Variants in NBEA observed in about 807,000 individuals in gnomAD.
The protein encoded by NBEA is lysosomal-trafficking regulator 2.
A neutral mutation model predicts 343.4 loss-of-function variants in NBEA; 44 were observed. The observed-to-expected ratio is 0.13, with a 90% CI of 0.10 to 0.16. NBEA has a LOEUF of 0.16. NBEA is among the 10% of genes least tolerant of loss of function. The pLI, the probability that NBEA is intolerant of heterozygous loss-of-function variation, is 1.00. For missense variants in NBEA, 2,555 were observed against 3,631.3 expected (o/e 0.70, Z 7.62); for synonymous variants, 1,175 against 1,238.7 (o/e 0.95, Z 1.08).
chr13:35,168,848 C>T, intron 24 of NBEA, 139 bp from the exon 25 acceptor site: 1 of 517,314 alleles, frequency 1.9e-6, no homozygotes, highest in Middle Eastern at 6.0e-4. Context: ...GAGAATTTTG[C>T]TTTTAATAAA....
chr13:35,168,908 T>C, intron 24 of NBEA, 79 bp from the exon 25 acceptor site: 10 of 998,852 alleles, frequency 1.0e-5, no homozygotes, highest in Non-Finnish European at 1.4e-5. Context: ...CAATTTTACA[T>C]TGTATTTTCA....
chr13:35,233,027 C>T (rs1310381976), intron 34 of NBEA, among the ~76,000 whole-genome samples: 1 of 151,974 alleles, frequency 6.6e-6, no homozygotes, highest in Non-Finnish European at 1.5e-5. Flanking sequence ...GAATCCTTAA[C>T]TAAGAAGACA....
intron 36 of NBEA, among the ~76,000 whole-genome samples, chr13:35,345,414 GTTTA>G (rs935107128): frequency 2.9e-4 from 44 of 151,858 alleles, no homozygotes; most frequent in Middle Eastern, 3.2e-3. Context: ...CAGCAGAGTG[GTTTA>G]TTTATTTATT....
chr13:35,003,668 A>C (rs1180109638), intron 1 of NBEA, among the ~76,000 whole-genome samples: 1 of 152,172 alleles, frequency 6.6e-6, no homozygotes, highest in East Asian at 1.9e-4. Context: ...GTTCCCATGT[A>C]GTTTGGGAAC....
At chr13:35,585,202 A>G (rs1473505482) in intron 46 of NBEA, among the ~76,000 whole-genome samples, 2 of 141,056 alleles carry the variant, frequency 1.4e-5, no homozygotes, top group South Asian at 2.3e-4. Context: ...CTGCACAGTC[A>G]GATTCCTGAA....
chr13:35,661,182 CAG>C (rs2085073910), intron 55 of NBEA, among the ~76,000 whole-genome samples: 1 of 152,144 alleles, frequency 6.6e-6, no homozygotes, highest in Non-Finnish European at 1.5e-5. Flanking sequence ...GTGTTCTGAT[CAG>C]AGAGCTTCAG....
intron 53 of NBEA, among the ~76,000 whole-genome samples, chr13:35,652,527 G>A (rs1478917714): frequency 6.7e-6 from 1 of 149,454 alleles, no homozygotes; most frequent in Non-Finnish European, 1.5e-5. Context: ...TGTAGTCCCA[G>A]CTACTCGGGA....
rs1307180939 is a variant in NBEA, at chr13:35,117,114, G to A, written c.2003-300G>A. Among the ~76,000 whole-genome samples the A allele has an allele frequency of 2.6e-5, 4 of 151,816 alleles. No individual in the cohort carries two copies. In the East Asian group the frequency reaches 7.7e-4, roughly 29 times the overall value. ...TAATGTAATAAAAACAGAAAAAAAA[G>A]CATTAATATAAATACTTGGGGATTA... On this transcript the variant is annotated intron_variant, in intron 13 of 58. Transcript: ENST00000379939.
At chr13:34,951,470 C>CCTAGATGTGACCTAGGTCA (rs1440131375) in intron 1 of NBEA, among the ~76,000 whole-genome samples, 1 of 152,100 alleles carries the variant, frequency 6.6e-6, no homozygotes, top group Admixed American at 6.6e-5. Context: ...AATCACCTGA[C>CCTAGATGTGACCTAGGTCA]CATAGAAAGA....
At chr13:35,647,112 T>C (rs946475756) in intron 51 of NBEA, among the ~76,000 whole-genome samples, 3 of 152,108 alleles carry the variant, frequency 2.0e-5, no homozygotes, top group Admixed American at 6.6e-5. Context: ...TTAATCTGAA[T>C]TTAAAAGTCC....
In NBEA at chr13:35,366,606, C is replaced by T. The variant is rs1423995347; in HGVS notation, c.6179+14283C>T. On this transcript the variant is annotated intron_variant, in intron 38 of 58. Coordinates refer to ENST00000379939, the MANE Select transcript of NBEA (RefSeq NM_001385012.1). ...TCTCCATTGTTAATTTTCTCTAGTT[C>T]ATTCATTTTAATTTTATAATTATAA... 4.7e-5 allele frequency among the ~76,000 whole-genome samples: 7 copies of T among 149,400 alleles called. No individual in the cohort carries two copies. The East Asian group carries it at 1.4e-3, about 29-fold the overall frequency.
At position 35,472,453 on chromosome 13, in the gene NBEA, A is replaced by C. The variant is rs1264469457; in HGVS notation, c.6502A>C (p.Lys2168Gln). The C allele has an allele frequency of 6.2e-7, 1 of 1,613,874 alleles. No homozygotes were observed. The highest frequency in any genetic ancestry group is 1.3e-5 in the African/African-American group (1 of 74,920). Residue 2168 changes from lysine to glutamine, a missense_variant, in exon 41 of 59, where the codon AAG (lysine) becomes CAG (glutamine). By Grantham distance (53) the Lys-to-Gln change is moderately conservative (BLOSUM62 1). Coordinates refer to ENST00000379939, the MANE Select transcript of NBEA (RefSeq NM_001385012.1). ...GCTCATCGCTCCCGTGGTGGTGGCC[A>C]AGGGGACTCTCTCCATCACCACGAC... Reference protein sequence around the residue: ...AQLIAPVVVAKGTLSITTTEI... With the variant: ...AQLIAPVVVAQGTLSITTTEI...
At chr13:35,124,301 G>A (rs910152705) in intron 17 of NBEA, among the ~76,000 whole-genome samples, 2 of 141,530 alleles carry the variant, frequency 1.4e-5, no homozygotes, top group Admixed American at 7.2e-5. Context: ...GCGCTTATTT[G>A]TAATAATCAT....
intron 33 of NBEA, among the ~76,000 whole-genome samples, chr13:35,229,892 G>A (rs2074873724): frequency 6.6e-6 from 1 of 152,064 alleles, no homozygotes; most frequent in South Asian, 2.1e-4. Context: ...AACAACAAAA[G>A]CTTTCTTCAC....
At chr13:35,072,979 C>T (rs1290419241) in intron 10 of NBEA, among the ~76,000 whole-genome samples, 1 of 152,144 alleles carries the variant, frequency 6.6e-6, no homozygotes, top group Non-Finnish European at 1.5e-5. Flanking sequence ...TAATTCTTAT[C>T]TATTACTTTT....
chr13:35,287,976 A>T (rs1242893637), intron 34 of NBEA, among the ~76,000 whole-genome samples: 2 of 152,062 alleles, frequency 1.3e-5, no homozygotes, highest in African/African-American at 4.8e-5. Flanking sequence ...ATGTAATCTT[A>T]ATTTGAATTA....
At chr13:35,610,656 T>C (rs1246992354) in intron 48 of NBEA, among the ~76,000 whole-genome samples, 2 of 152,168 alleles carry the variant, frequency 1.3e-5, no homozygotes, top group African/African-American at 4.8e-5. Context: ...AAAGATGTTT[T>C]AGATATGACA....
At chr13:35,541,725 G>GGGGTGTGTGTGTGTGTGTGT (rs149705241) in intron 41 of NBEA, among the ~76,000 whole-genome samples, 2 of 145,230 alleles carry the variant, frequency 1.4e-5, no homozygotes, top group South Asian at 4.5e-4. Flanking sequence ...GGTCTGCATG[G>GGGGTGTGTGTGTGTGTGTGT]GTGTGTGTGT....
At chr13:35,629,110 T>C (rs1182366000) in intron 49 of NBEA, among the ~76,000 whole-genome samples, 1 of 152,216 alleles carries the variant, frequency 6.6e-6, no homozygotes, top group Non-Finnish European at 1.5e-5. Flanking sequence ...AATATTCATA[T>C]AAAATATTAC....
Sources: gnomAD v4.1 joint callset for allele counts (sites outside exome capture counted in the v4.1 genomes callset) on GRCh38, gnomAD v4.1.1 for gene constraint, MANE v1.5 for transcripts, NCBI Gene and HGNC (gene_info 2026-07-23, HGNC 2026-07-21) for gene names.